The following EP300 variants were observed in gnomAD, a reference collection of about 807,000 sequenced individuals.
EP300 encodes the protein EP300 lysine acetyltransferase.
In EP300, 31 loss-of-function variants were observed where a neutral mutation model predicts 264.0. The observed-to-expected ratio is 0.12, with a 90% CI of 0.09 to 0.16. The LOEUF (loss-of-function observed/expected upper bound fraction) is 0.16, where lower values mean the gene tolerates loss of function less well. Ranked by LOEUF, EP300 falls within the 10% of genes least tolerant of loss-of-function variation. EP300 has a pLI of 1.00. For missense variants in EP300, 2,766 were observed against 3,052.9 expected (o/e 0.91, Z 2.21); for synonymous variants, 1,340 against 1,045.4 (o/e 1.28, Z -5.44).
At position 41,117,179 on chromosome 22, in the gene EP300, G is replaced by T. The variant is rs1225714368; in HGVS notation, c.95-8G>T. On this transcript the variant is annotated splice_region_variant and splice_polypyrimidine_tract_variant and intron_variant, in intron 1 of 30. Transcript: ENST00000263253. ...ACTTTGACCTTTGTCTTTTCCCTTT[G>T]CTTTTAGATTTTGGCTCTCTATTTG... The T allele has an allele frequency of 6.2e-7, 1 of 1,613,684 alleles. No homozygotes were observed. Among genetic ancestry groups the T allele is most frequent in the Non-Finnish European group, 8.5e-7 (1 of 1,179,694 alleles).
intron 16 of EP300, among the ~76,000 whole-genome samples, chr22:41,152,744 C>A (rs772906722): frequency 9.5e-5 from 11 of 116,026 alleles, no homozygotes; most frequent in Non-Finnish European, 1.7e-4. Context: ...TTAATAATTT[C>A]TTTCTTTCTT....
Position 41,155,083 on chromosome 22 carries a change from A to G in EP300, c.3231A>G (p.Gln1077=), listed in dbSNP as rs751423301. Residue 1077 remains glutamine (Q), a synonymous_variant, in exon 17 of 31, where the codon CAA becomes CAG. Transcript: ENST00000263253. ...ATCCAGAATCCCTTCCCTTTCGTCAACCTGTGGACCCTCAGCTTTTAGGAA... is the reference window on the plus strand; with the variant it reads ...ATCCAGAATCCCTTCCCTTTCGTCAGCCTGTGGACCCTCAGCTTTTAGGAA... ...RQDPESLPFR[Q]PVDPQLLGIP... is the part of the protein sequence containing the mutation. 1 of 1,613,894 alleles carries G rather than the reference A, an allele frequency of 6.2e-7. No homozygotes were observed. The highest frequency in any genetic ancestry group is 2.2e-5 in the East Asian group (1 of 44,878).
chr22:41,123,028 CCTGT>C (rs1442903972), intron 2 of EP300, among the ~76,000 whole-genome samples: 1 of 151,988 alleles, frequency 6.6e-6, no homozygotes, highest in Non-Finnish European at 1.5e-5. Context: ...AGAGTGAGAC[CCTGT>C]CTTTTTATAT....
At position 41,177,093 on chromosome 22, in the gene EP300, G is replaced by A. The variant is rs2145515664; in HGVS notation, c.5382G>A (p.Lys1794=). Residue 1794 remains lysine (K), a synonymous_variant, in exon 31 of 31, where the codon AAG becomes AAA. Transcript: ENST00000263253. ...QLIALCCYHA[K]HCQENKCPVP... The stretch of plus-strand genomic sequence containing the variant: ...TTGCCCTCTGCTGCTACCATGCCAA[G>A]CACTGCCAGGAGAACAAATGCCCGG... 1 of 1,614,084 alleles carries A rather than the reference G, an allele frequency of 6.2e-7. No homozygotes were observed.
intron 3 of EP300, 136 bp downstream of exon 3, chr22:41,126,176 C>T (rs1335399049): frequency 3.5e-6 from 3 of 845,540 alleles, no homozygotes; most frequent in Admixed American, 4.5e-5. Context: ...ACTTGATGAT[C>T]CCTGTGAGGA....
Position 41,177,345 on chromosome 22 carries a change from C to G in EP300, c.5634C>G (p.Thr1878=). 2 of 1,614,066 alleles carry G rather than the reference C, an allele frequency of 1.2e-6. No homozygotes were observed. Among genetic ancestry groups the G allele is most frequent in the South Asian group, 1.1e-5 (1 of 91,074 alleles). Residue 1878 remains threonine (T), a synonymous_variant, in exon 31 of 31, where the codon ACC becomes ACG. Transcript: ENST00000263253. ...AGCCCACTTCTCAGCCTCAGCCTAC[C>G]CCTCCCAATAGCATGCCACCCTACT... The part of the protein sequence containing the change: ...TPQPTSQPQP[T]PPNSMPPYLP...
In EP300 at chr22:41,178,651, C is replaced by G. The variant is rs1299720265; in HGVS notation, c.6940C>G (p.Pro2314Ala). 1 of 1,614,142 alleles carries G rather than the reference C, an allele frequency of 6.2e-7. No individual in the cohort carries two copies. Residue 2314 changes from proline to alanine, a missense_variant, in exon 31 of 31, where the codon CCT becomes GCT. Transcript: ENST00000263253. ...SNQVRSPQPV[P>A]SPRPQSQPPH... ...TCAAGTGCGCTCTCCCCAGCCTGTCCCTTCTCCACGGCCACAGTCCCAGCC... is the reference window on the plus strand; with the variant it reads ...TCAAGTGCGCTCTCCCCAGCCTGTCGCTTCTCCACGGCCACAGTCCCAGCC...
intron 1 of EP300, among the ~76,000 whole-genome samples, chr22:41,097,703 A>G (rs2145672498): frequency 6.6e-6 from 1 of 152,316 alleles, no homozygotes; most frequent in East Asian, 1.9e-4. Flanking sequence ...TCCTTCTTTG[A>G]AGATTTCTAA....
chr22:41,178,981 CAAA>C lies in EP300; in HGVS notation c.*30_*32del. ...GAGACACCTTGTAGTATTTTGGGAG[CAAA>C]AAAATTATTTTCTCTTAACAAGACT... On this transcript the variant is annotated 3_prime_UTR_variant, in exon 31 of 31. Coordinates refer to ENST00000263253, the MANE Select transcript of EP300 (RefSeq NM_001429.4). 3 of 1,609,162 alleles carry C rather than the reference CAAA, an allele frequency of 1.9e-6. No homozygotes were observed. The highest frequency in any genetic ancestry group is 2.2e-5 in the East Asian group (1 of 44,886).
intron 10 of EP300, among the ~76,000 whole-genome samples, chr22:41,145,117 G>GA (rs1360731797): frequency 2.0e-5 from 3 of 151,920 alleles, no homozygotes; most frequent in Non-Finnish European, 2.9e-5. Flanking sequence ...TTGTTGACTT[G>GA]AAAAAAAAGT....
In EP300 at chr22:41,157,453, C is replaced by G. The variant is rs1193669657; in HGVS notation, c.3501+45C>G. 1.9e-6 allele frequency: 3 copies of G among 1,598,894 alleles called. No individual in the cohort carries two copies. In the South Asian group the frequency reaches 3.3e-5, roughly 18 times the overall value. On this transcript the variant is annotated intron_variant, in intron 18 of 30. Transcript: ENST00000263253. ...TTTGACTTTAACTTTTCTGGGATAC[C>G]TAGAATAATATAGTGGTGACTGGGA...
intron 1 of EP300, among the ~76,000 whole-genome samples, chr22:41,100,072 A>G (rs1271866247): frequency 6.6e-6 from 1 of 152,104 alleles, no homozygotes; most frequent in Non-Finnish European, 1.5e-5. Flanking sequence ...TCTAGAAAAA[A>G]AATTTAAAAA....
intron 13 of EP300, 117 bp downstream of exon 13, chr22:41,149,292 AAAT>A (rs2059029585): frequency 1.4e-5 from 18 of 1,265,860 alleles, no homozygotes; most frequent in African/African-American, 3.0e-5. Context: ...ATTTTTTAAA[AAAT>A]AACAATTTTG....
chr22:41,171,277 AAT>A (rs2059169230), intron 27 of EP300, among the ~76,000 whole-genome samples: 1 of 151,710 alleles, frequency 6.6e-6, no homozygotes, highest in Admixed American at 6.6e-5. Context: ...CCGGCCTTAA[AAT>A]ATATCTTTTT....
At chr22:41,094,994 AAACTC>A (rs1460034113) in intron 1 of EP300, among the ~76,000 whole-genome samples, 2 of 152,176 alleles carry the variant, frequency 1.3e-5, no homozygotes, top group African/African-American at 4.8e-5. Flanking sequence ...GTTTAAAAAA[AAACTC>A]AACATTGAGA....
chr22:41,177,318 CCAGCCCACTTCTCAGCCT>C lies in EP300; in HGVS notation c.5613_5630del (p.Ser1873_Thr1878del). 6.2e-7 allele frequency: 1 copy of C among 1,614,052 alleles called. No individual in the cohort carries two copies. The highest frequency in any genetic ancestry group is 8.5e-7 in the Non-Finnish European group (1 of 1,180,006). ...AACAGCCAACCACCCCGCAGACGCC[CCAGCCCACTTCTCAGCCT>C]CAGCCTACCCCTCCCAATAGCATGC... On this transcript the variant is annotated inframe_deletion, in exon 31 of 31. Coordinates refer to ENST00000263253, the MANE Select transcript of EP300 (RefSeq NM_001429.4).
intron 27 of EP300, among the ~76,000 whole-genome samples, chr22:41,170,914 T>G (rs927989822): frequency 3.3e-5 from 5 of 151,338 alleles, no homozygotes; most frequent in Middle Eastern, 6.9e-3. Context: ...CCGCCCGCCT[T>G]GGCCTCCCAA....
At chr22:41,122,205 G>C (rs974624455) in intron 2 of EP300, among the ~76,000 whole-genome samples, 1 of 116,228 alleles carries the variant, frequency 8.6e-6, no homozygotes, top group Non-Finnish European at 1.6e-5. Flanking sequence ...CGTTCTTGTC[G>C]CCCAGGCAGG....
intron 22 of EP300, among the ~76,000 whole-genome samples, chr22:41,164,629 C>T (rs2145757042): frequency 6.6e-6 from 1 of 152,286 alleles, no homozygotes; most frequent in African/African-American, 2.4e-5. Context: ...GGAAGAGAAT[C>T]ACTTGAACCT....
Sources: allele counts gnomAD v4.1 joint callset (sites outside exome capture counted in the v4.1 genomes callset), GRCh38; gene constraint gnomAD v4.1.1; transcripts MANE v1.5; gene names NCBI Gene and HGNC (gene_info 2026-07-23, HGNC 2026-07-21).